The following PAK1 variants were observed in gnomAD, a reference collection of about 807,000 sequenced individuals.
The protein encoded by PAK1 is serine/threonine-protein kinase PAK 1.
In PAK1, 29 loss-of-function variants were observed where a neutral mutation model predicts 67.4. The ratio of observed to expected loss-of-function variants is 0.43; its 90% confidence interval spans 0.32 to 0.59. PAK1 has a LOEUF of 0.59. Ranked by LOEUF, PAK1 falls within the 20% of genes least tolerant of loss-of-function variation. The probability of loss-of-function intolerance (pLI) is 0.07; values close to 1 mark genes in which losing one functional copy is unlikely to be tolerated. For missense variants in PAK1, 337 were observed against 670.7 expected (o/e 0.50, Z 5.50); for synonymous variants, 223 against 237.4 (o/e 0.94, Z 0.56).
intron 5 of PAK1, among the ~76,000 whole-genome samples, chr11:77,371,384 G>C (rs1426006788): frequency 2.6e-5 from 4 of 152,078 alleles, no homozygotes; most frequent in African/African-American, 9.7e-5. Context: ...TATCTCCCCA[G>C]TCTGTCATTA....
chr11:77,332,946 TG>T, intron 13 of PAK1, 79 bp from the exon 14 acceptor site: 5 of 1,333,736 alleles, frequency 3.7e-6, no homozygotes, highest in Non-Finnish European at 5.4e-6. Context: ...TCTAGAAATA[TG>T]GTCAGCTGCT....
chr11:77,528,339 G>A, the PAK1 span, among the ~76,000 whole-genome samples: 22 of 147,130 alleles, frequency 1.5e-4, no homozygotes, highest in Non-Finnish European at 2.4e-4. Flanking sequence ...TTTTTTTTTT[G>A]TTTGTATGTG....
chr11:77,387,316 G>A (rs1205552494), intron 2 of PAK1, among the ~76,000 whole-genome samples: 5 of 151,538 alleles, frequency 3.3e-5, no homozygotes, highest in Admixed American at 2.0e-4. Context: ...CAAGTGATCC[G>A]CCCGCCTCGG....
chr11:77,507,524 CT>C, the PAK1 span, among the ~76,000 whole-genome samples: 2 of 151,462 alleles, frequency 1.3e-5, no homozygotes, highest in East Asian at 1.9e-4. Context: ...ATCCAATATA[CT>C]TTTTTTTTCT....
intron 1 of PAK1, among the ~76,000 whole-genome samples, chr11:77,427,936 C>G (rs1955639026): frequency 6.6e-6 from 1 of 152,092 alleles, no homozygotes; most frequent in Non-Finnish European, 1.5e-5. Context: ...CTAAGCCAGA[C>G]AGAGGAGAGG....
intron 14 of PAK1, among the ~76,000 whole-genome samples, chr11:77,331,035 T>C (rs1427939633): frequency 2.6e-5 from 4 of 152,168 alleles, no homozygotes; most frequent in Non-Finnish European, 5.9e-5. Context: ...ACATAAAAAA[T>C]GCTCATCATC....
the PAK1 span, among the ~76,000 whole-genome samples, chr11:77,519,268 T>C: frequency 6.6e-6 from 1 of 152,270 alleles, no homozygotes; most frequent in African/African-American, 2.4e-5. Context: ...TACCCCACCC[T>C]TTTTTTCATG....
chr11:77,453,519 A>ATT (rs1956952431), intron 1 of PAK1, among the ~76,000 whole-genome samples: 1 of 150,916 alleles, frequency 6.6e-6, no homozygotes, highest in Non-Finnish European at 1.5e-5. Context: ...GATATATTAA[A>ATT]AAAAAAAAAA....
chr11:77,493,506 T>C, the PAK1 span, among the ~76,000 whole-genome samples: 1 of 139,648 alleles, frequency 7.2e-6, no homozygotes, highest in African/African-American at 2.7e-5. Context: ...TTGGCCAGGC[T>C]GGTCTTGAAC....
chr11:77,489,782 G>A, the PAK1 span, among the ~76,000 whole-genome samples: 5 of 151,898 alleles, frequency 3.3e-5, no homozygotes, highest in South Asian at 4.1e-4. Flanking sequence ...GTGCAGTGGC[G>A]TGATCTCGGC....
rs1946652045 is a variant in PAK1 at position 77,360,618 on chromosome 11, A to G, written c.478-1601T>C. On this transcript the variant is annotated intron_variant, in intron 5 of 14. Coordinates refer to ENST00000356341, the MANE Select transcript of PAK1 (RefSeq NM_002576.5). ...TAAACACTAGGTTTGTTTGCTTTAT[A>G]AAACTGTAGAGAAGGGGATTTCAAC... is the stretch of plus-strand genomic sequence containing the variant. 1.3e-5 allele frequency among the ~76,000 whole-genome samples: 2 copies of G among 152,174 alleles called. 1 individual carries two copies. The highest frequency in any genetic ancestry group is 2.9e-5 in the Non-Finnish European group (2 of 68,020).
chr11:77,487,824 G>A, the PAK1 span, among the ~76,000 whole-genome samples: 6 of 152,170 alleles, frequency 3.9e-5, no homozygotes, highest in Admixed American at 2.6e-4. Context: ...GCTCCTGGAC[G>A]GCATCTCTGA....
intron 1 of PAK1, among the ~76,000 whole-genome samples, chr11:77,462,588 T>C (rs997809205): frequency 7.9e-5 from 12 of 151,930 alleles, no homozygotes; most frequent in Non-Finnish European, 1.2e-4. Context: ...TCCCAGCACT[T>C]TGGGAGCCCA....
intron 1 of PAK1, chr11:77,408,120 C>T (rs188801793): frequency 6.6e-6 from 1 of 152,390 alleles, no homozygotes; most frequent in Non-Finnish European, 1.5e-5. Flanking sequence ...TCTGCATTAT[C>T]ACAGCCCCTT....
chr11:77,529,557 G>A, the PAK1 span, among the ~76,000 whole-genome samples: 2 of 152,148 alleles, frequency 1.3e-5, no homozygotes, highest in Non-Finnish European at 2.9e-5. Flanking sequence ...CCTGAGCCAA[G>A]TTCTGAAGGT....
At position 77,353,586 on chromosome 11, in the gene PAK1, A is replaced by G. The variant is rs200794253; in HGVS notation, c.786T>C (p.Ser262=). 5.8e-5 allele frequency: 94 copies of G among 1,609,382 alleles called. 1 individual carries two copies. The South Asian group carries it at 9.7e-4, about 17-fold the overall frequency. The part of the protein sequence containing the change: ...EILEKLRSIV[S]VGDPKKKYTR... ...TATATTTCTTCTTAGGATCGCCCAC[A>G]CTCACTATGCTTCCTTTGAAAGAAA... The change falls in exon 8 of 15, where the codon AGT becomes AGC. Residue 262 remains serine (S), a synonymous_variant. Transcript: ENST00000356341.
chr11:77,432,432 G>A (rs1218661715), intron 1 of PAK1, among the ~76,000 whole-genome samples: 3 of 151,538 alleles, frequency 2.0e-5, no homozygotes. Context: ...GTTCTGGTCA[G>A]AGCAATTAGG....
At chr11:77,415,384 G>A (rs1954890665) in intron 1 of PAK1, among the ~76,000 whole-genome samples, 2 of 152,140 alleles carry the variant, frequency 1.3e-5, no homozygotes, top group African/African-American at 2.4e-5. Flanking sequence ...TGAGAAAAGT[G>A]TCATTAGGTG....
intron 1 of PAK1, among the ~76,000 whole-genome samples, chr11:77,437,728 A>T (rs1441848811): frequency 7.6e-6 from 1 of 130,926 alleles, no homozygotes. Context: ...AAGATTGAGA[A>T]ATTCAAATAT....
Sources: gnomAD v4.1 joint callset for allele counts (sites outside exome capture counted in the v4.1 genomes callset) on GRCh38, gnomAD v4.1.1 for gene constraint, MANE v1.5 for transcripts, NCBI Gene and HGNC (gene_info 2026-07-23, HGNC 2026-07-21) for gene names.